Variants in GABRB1 observed in about 807,000 individuals in gnomAD.
GABRB1 encodes the protein gamma-aminobutyric acid receptor subunit beta-1.
GABRB1 carries 17 observed loss-of-function variants against 51.6 expected under a neutral mutation model. The observed-to-expected ratio is 0.33, with a 90% CI of 0.23 to 0.49. The LOEUF is 0.49. GABRB1 is among the 20% of genes least tolerant of loss of function. GABRB1 has a pLI of 0.99. For synonymous variants in GABRB1, 247 were observed against 218.9 expected (o/e 1.13, Z -1.14); for missense variants, 410 against 600.6 (o/e 0.68, Z 3.32).
chr4:47,322,418 GATA>G (rs1725117109), intron 5 of GABRB1, among the ~76,000 whole-genome samples: 3 of 152,192 alleles, frequency 2.0e-5, no homozygotes, highest in Admixed American at 1.3e-4. Flanking sequence ...TAAGAATTTG[GATA>G]ATGAGGAGTC....
At chr4:47,146,408 G>A (rs1394023430) in intron 3 of GABRB1, among the ~76,000 whole-genome samples, 1 of 151,842 alleles carries the variant, frequency 6.6e-6, no homozygotes, top group Non-Finnish European at 1.5e-5. Flanking sequence ...CTTTGTTGCA[G>A]TAGAAAGAAA....
chr4:47,029,507 T>C (rs1725215571), upstream of GABRB1, among the ~76,000 whole-genome samples: 1 of 152,032 alleles, frequency 6.6e-6, no homozygotes, highest in Non-Finnish European at 1.5e-5. Context: ...TCTTTCTATG[T>C]ATAACTTGAC....
intron 4 of GABRB1, among the ~76,000 whole-genome samples, chr4:47,259,125 G>A (rs1221249271): frequency 6.6e-6 from 1 of 152,076 alleles, no homozygotes; most frequent in Admixed American, 6.6e-5. Context: ...TGCAGCAACT[G>A]ACATCCATCT....
chr4:47,220,044 T>A (rs1175601874), intron 4 of GABRB1, among the ~76,000 whole-genome samples: 5 of 151,974 alleles, frequency 3.3e-5, no homozygotes. Flanking sequence ...CCCATTATGT[T>A]ATTTAACCAC....
At chr4:47,331,627 T>C (rs1725487491) in intron 5 of GABRB1, among the ~76,000 whole-genome samples, 1 of 152,104 alleles carries the variant, frequency 6.6e-6, no homozygotes, top group Admixed American at 6.6e-5. Context: ...AATCTAAAGC[T>C]TTTAGGAAAC....
intron 8 of GABRB1, 145 bp from the exon 9 acceptor site, chr4:47,425,529 T>G (rs200069892): frequency 5.9e-4 from 308 of 519,362 alleles, no homozygotes; most frequent in Middle Eastern, 4.9e-4. Flanking sequence ...TCGATCGATC[T>G]ATCTCCACAT....
chr4:47,174,830 C>A (rs112104977), intron 4 of GABRB1, among the ~76,000 whole-genome samples: 2 of 152,080 alleles, frequency 1.3e-5, no homozygotes, highest in Non-Finnish European at 2.9e-5. Context: ...GTTGTCAGTG[C>A]CCTGCACTAT....
At chr4:47,078,373 C>G (rs1577887418) in intron 3 of GABRB1, among the ~76,000 whole-genome samples, 1 of 152,140 alleles carries the variant, frequency 6.6e-6, no homozygotes, top group African/African-American at 2.4e-5. Context: ...CTCTTCTTTT[C>G]TCCTTTATAT....
At chr4:47,418,718 T>C (rs1204923827) in intron 8 of GABRB1, among the ~76,000 whole-genome samples, 1 of 152,174 alleles carries the variant, frequency 6.6e-6, no homozygotes, top group South Asian at 2.1e-4. Flanking sequence ...TTGTGAATAA[T>C]ACAAAATCCC....
intron 4 of GABRB1, among the ~76,000 whole-genome samples, chr4:47,282,850 T>C (rs1211618307): frequency 6.6e-6 from 1 of 152,180 alleles, no homozygotes; most frequent in African/African-American, 2.4e-5. Context: ...GGTTCAGAGA[T>C]GTTCAGTAAG....
intron 4 of GABRB1, among the ~76,000 whole-genome samples, chr4:47,251,438 G>T (rs1009407034): frequency 6.6e-6 from 1 of 152,158 alleles, no homozygotes; most frequent in Non-Finnish European, 1.5e-5. Flanking sequence ...GCCAGGAGGT[G>T]GTGCTTTCCC....
chr4:47,045,648 A>G (rs182868606), intron 3 of GABRB1, among the ~76,000 whole-genome samples: 285 of 152,096 alleles, frequency 1.9e-3, no homozygotes, highest in African/African-American at 6.5e-3. Flanking sequence ...CAGCCTTCAC[A>G]TGGTGTGCTT....
At chr4:47,123,397 C>CAT (rs1429211447) in intron 3 of GABRB1, among the ~76,000 whole-genome samples, 1 of 107,090 alleles carries the variant, frequency 9.3e-6, no homozygotes, top group Non-Finnish European at 1.8e-5. Context: ...ATATATATTA[C>CAT]ATATATACAT....
chr4:47,282,211 ATTCCAG>A (rs1450936408), intron 4 of GABRB1, among the ~76,000 whole-genome samples: 22 of 152,342 alleles, frequency 1.4e-4, no homozygotes, highest in Non-Finnish European at 3.2e-4. Flanking sequence ...ATACTTCACT[ATTCCAG>A]TTCTCTAAAA....
At chr4:47,266,651 G>A (rs1273329444) in intron 4 of GABRB1, among the ~76,000 whole-genome samples, 1 of 152,048 alleles carries the variant, frequency 6.6e-6, no homozygotes, top group Non-Finnish European at 1.5e-5. Flanking sequence ...TATTCAATAT[G>A]ATTTCAATTT....
intron 5 of GABRB1, among the ~76,000 whole-genome samples, chr4:47,372,772 G>A (rs1727243726): frequency 6.6e-6 from 1 of 152,158 alleles, no homozygotes; most frequent in Non-Finnish European, 1.5e-5. Context: ...TGTATGGCAG[G>A]CATCCAAAGA....
At position 47,352,349 on chromosome 4, in the gene GABRB1, TG is replaced by T. The variant is rs575024052; in HGVS notation, c.544+32142del. Among the ~76,000 whole-genome samples, 54 of 152,312 alleles carry T rather than the reference TG, an allele frequency of 3.5e-4. No individual in the cohort carries two copies. In the East Asian group the frequency reaches 9.6e-3, roughly 27 times the overall value. On this transcript the variant is annotated intron_variant, in intron 5 of 8. Transcript: ENST00000295454. The stretch of plus-strand genomic sequence containing the variant: ...TTCTACCAGAGGTACAAGGAGGAAC[TG>T]GTACCATTCCTTCTGAAACTATTCC...
intron 3 of GABRB1, among the ~76,000 whole-genome samples, chr4:47,141,626 T>A (rs1716940109): frequency 1.3e-5 from 2 of 151,994 alleles, no homozygotes; most frequent in South Asian, 4.1e-4. Flanking sequence ...AAGTTGTATG[T>A]CTTTTTTAAT....
chr4:47,154,272 T>TTC (rs1717592429), intron 3 of GABRB1, among the ~76,000 whole-genome samples: 2 of 151,288 alleles, frequency 1.3e-5, no homozygotes, highest in African/African-American at 4.9e-5. Flanking sequence ...TTTTTTTTTT[T>TTC]CTTATCCTAA....
Sources: allele counts gnomAD v4.1 joint callset (sites outside exome capture counted in the v4.1 genomes callset), GRCh38; gene constraint gnomAD v4.1.1; transcripts MANE v1.5; gene names NCBI Gene and HGNC (gene_info 2026-07-23, HGNC 2026-07-21).